The following MAGEA11 variants were observed in gnomAD, a reference collection of about 807,000 sequenced individuals.
MAGEA11 encodes melanoma-associated antigen 11.
Under a neutral mutation model 8.4 loss-of-function variants are expected in MAGEA11, and 1 was observed. The ratio of observed to expected loss-of-function variants is 0.12; its 90% CI spans 0.04 to 0.57. The LOEUF is 0.57. Among genes scored for constraint, MAGEA11 ranks in the 20% least tolerant of loss-of-function variants. The pLI, the probability that MAGEA11 is intolerant of heterozygous loss-of-function variation, is 0.91. For missense variants in MAGEA11, 209 were observed against 317.3 expected (o/e 0.66, Z 2.59); for synonymous variants, 127 against 119.3 (o/e 1.06, Z -0.42).
At chrX:149,698,234 C>T (rs1261232708) in intron 1 of MAGEA11, among the ~76,000 whole-genome samples, 1 of 111,165 alleles carries the variant, frequency 9.0e-6, no homozygotes, top group African/African-American at 3.3e-5. Flanking sequence ...ATTGACATCC[C>T]AGCTTTTTAT....
Position 149,716,781 on chromosome X carries a change from G to A in MAGEA11, c.*5G>A. 1 of 1,184,228 alleles carries A rather than the reference G, an allele frequency of 8.4e-7. No homozygotes were observed. The highest frequency in any genetic ancestry group is 1.9e-5 in the South Asian group (1 of 51,749). ...GAGGAGGGAGAGGGAGTCTGAGCAT[G>A]AGATGCAACCAGGGCCAGCGGGCAG... On this transcript the variant is annotated 3_prime_UTR_variant, in exon 5 of 5. Transcript: ENST00000355220.
Position 149,715,787 on chromosome X carries a change from G to A in MAGEA11, c.301G>A (p.Val101Ile), listed in dbSNP as rs782071178. The change falls in exon 5 of 5, where the codon GTT becomes ATT. Residue 101 changes from valine to isoleucine, a missense_variant. Physicochemically the swap from Val to Ile is conservative, Grantham distance 29 (BLOSUM62 3). Transcript: ENST00000355220. ...CCCCATCACCCAGATATTTCCCACA[G>A]TTCGGCCTGCTGACCTAACCAGAGT... ...WGPITQIFPTVRPADLTRVIM... is the reference protein window; with the variant it reads ...WGPITQIFPTIRPADLTRVIM... 2 of 1,201,855 alleles carry A rather than the reference G, an allele frequency of 1.7e-6. No individual in the cohort carries two copies. Among genetic ancestry groups the A allele is most frequent in the Admixed American group, 4.5e-5 (2 of 44,931 alleles).
intron 3 of MAGEA11, among the ~76,000 whole-genome samples, chrX:149,715,387 G>A (rs1367400701): frequency 8.1e-5 from 9 of 111,699 alleles, no homozygotes; most frequent in African/African-American, 2.6e-4. Flanking sequence ...GTGAGGCCTT[G>A]GTCTCAAGCA....
In MAGEA11 at chrX:149,717,036, T is replaced by C; in HGVS notation, c.*260T>C. ...TTTGGTAATTTTCAAATATTGTTCCTGTAATAAAAGTTTTAGTTAGCTTCA... is the reference window on the plus strand; with the variant it reads ...TTTGGTAATTTTCAAATATTGTTCCCGTAATAAAAGTTTTAGTTAGCTTCA... On this transcript the variant is annotated 3_prime_UTR_variant, in exon 5 of 5. Coordinates refer to ENST00000355220, the MANE Select transcript of MAGEA11 (RefSeq NM_005366.5). 1 of 299,573 alleles carries C rather than the reference T, an allele frequency of 3.3e-6. No individual in the cohort carries two copies. Among genetic ancestry groups the C allele is most frequent in the Non-Finnish European group, 5.8e-6 (1 of 171,708 alleles). 24.7% of individuals were successfully genotyped at this position (299,573 alleles called of 1,213,427 possible).
At chrX:149,694,847 G>A (rs936226485) in intron 1 of MAGEA11, among the ~76,000 whole-genome samples, 1 of 109,972 alleles carries the variant, frequency 9.1e-6, no homozygotes, top group Admixed American at 9.7e-5. Context: ...TCAGCCTCCC[G>A]AGTACGTGGG....
At chrX:149,699,286 C>T (rs1231246267) in intron 1 of MAGEA11, among the ~76,000 whole-genome samples, 2 of 111,697 alleles carry the variant, frequency 1.8e-5, no homozygotes, top group Non-Finnish European at 3.8e-5. Flanking sequence ...TTTGCTAGTC[C>T]AATTTGGAGC....
chrX:149,700,140 C>A (rs782373249), intron 1 of MAGEA11, among the ~76,000 whole-genome samples: 1 of 112,469 alleles, frequency 8.9e-6, no homozygotes, highest in Non-Finnish European at 1.9e-5. Context: ...GATGCAGATC[C>A]AAACCATATC....
chrX:149,710,670 G>T (rs367825541), upstream of MAGEA11, among the ~76,000 whole-genome samples: 1 of 106,906 alleles, frequency 9.4e-6, no homozygotes, highest in Non-Finnish European at 1.9e-5. Flanking sequence ...TTTTGAGATG[G>T]GGTCTTGTTA....
In MAGEA11 at chrX:149,715,641, C is replaced by G; in HGVS notation, c.230C>G (p.Pro77Arg). The change falls in exon 4 of 5, where the codon CCC becomes CGC. Residue 77 changes from proline to arginine, a missense_variant. Transcript: ENST00000355220. The part of the protein sequence containing the change: ...REQANLEDRS[P>R]RRTQRITGGE... ...CAGGCCAACCTGGAGGACAGGAGTC[C>G]CAGGAGAACCCAGAGGATCACTGGA... 2.5e-6 allele frequency: 3 copies of G among 1,209,170 alleles called. No individual in the cohort carries two copies. Among genetic ancestry groups the G allele is most frequent in the Non-Finnish European group, 3.4e-6 (3 of 893,566 alleles).
chrX:149,699,970 A>G (rs979649024), intron 1 of MAGEA11, among the ~76,000 whole-genome samples: 7 of 111,429 alleles, frequency 6.3e-5, no homozygotes, highest in Non-Finnish European at 1.1e-4. Flanking sequence ...GGTTTGCGCA[A>G]ATGAGGAAGT....
intron 1 of MAGEA11, among the ~76,000 whole-genome samples, chrX:149,697,662 A>G (rs2090335488): frequency 9.2e-6 from 1 of 108,968 alleles, no homozygotes; most frequent in Non-Finnish European, 1.9e-5. Context: ...AGGCCTAAGG[A>G]AAAAAAAATG....
At chrX:149,700,107 A>G (rs782687989) in intron 1 of MAGEA11, among the ~76,000 whole-genome samples, 1 of 112,750 alleles carries the variant, frequency 8.9e-6, no homozygotes, top group East Asian at 2.8e-4. Context: ...AGGGATTACA[A>G]TTCGAAATGA....
intron 1 of MAGEA11, among the ~76,000 whole-genome samples, chrX:149,694,888 C>A (rs1569561333): frequency 9.1e-6 from 1 of 110,280 alleles, no homozygotes; most frequent in Non-Finnish European, 1.9e-5. Flanking sequence ...CACCCGGCTA[C>A]CTTTTGTATT....
At chrX:149,704,890 C>A (rs367669517) in intron 1 of MAGEA11, among the ~76,000 whole-genome samples, 2 of 112,806 alleles carry the variant, frequency 1.8e-5, no homozygotes, top group Non-Finnish European at 3.8e-5. Flanking sequence ...TAGGACGGAG[C>A]GCAGTGCTCA....
intron 1 of MAGEA11, among the ~76,000 whole-genome samples, chrX:149,691,514 G>A (rs1187242319): frequency 1.1e-4 from 12 of 111,465 alleles, no homozygotes; most frequent in Admixed American, 7.6e-4. Context: ...GAAAATAGTG[G>A]CATTTTTTTC....
intron 3 of MAGEA11, 55 bp from the exon 4 acceptor site, chrX:149,715,549 C>T (rs1038827477): frequency 3.3e-6 from 3 of 913,412 alleles, no homozygotes; most frequent in Non-Finnish European, 4.8e-6. Flanking sequence ...GTCCTGGAGC[C>T]TCCTGCTCTG....
chrX:149,702,819 T>C (rs782804065), intron 1 of MAGEA11, among the ~76,000 whole-genome samples: 2 of 111,988 alleles, frequency 1.8e-5, no homozygotes, highest in Non-Finnish European at 3.8e-5. Context: ...TTTAATCCCA[T>C]TGCCATTTAA....
intron 1 of MAGEA11, among the ~76,000 whole-genome samples, chrX:149,700,372 A>G (rs917036920): frequency 1.8e-5 from 2 of 111,779 alleles, no homozygotes; most frequent in African/African-American, 6.5e-5. Flanking sequence ...GCTGGTGTTC[A>G]TTTGTACATG....
At chrX:149,705,281 C>A (rs782090174) in intron 1 of MAGEA11, among the ~76,000 whole-genome samples, 31 of 111,672 alleles carry the variant, frequency 2.8e-4, no homozygotes, top group Non-Finnish European at 5.1e-4. Flanking sequence ...ATAATTGAAT[C>A]ATGGGGGCAG....
Sources: gnomAD v4.1 joint callset for allele counts (sites outside exome capture counted in the v4.1 genomes callset) on GRCh38, gnomAD v4.1.1 for gene constraint, MANE v1.5 for transcripts, NCBI Gene and HGNC (gene_info 2026-07-23, HGNC 2026-07-21) for gene names.